Variants in LRRC49 observed in about 807,000 individuals in gnomAD.
The protein encoded by LRRC49 is leucine-rich repeat-containing protein 49.
LRRC49 carries 50 observed loss-of-function variants against 83.3 expected under a neutral mutation model. That is an observed-to-expected ratio of 0.60 (90% CI 0.48 to 0.76). LRRC49 has a LOEUF of 0.76. Among genes scored for constraint, LRRC49 ranks in the 30% least tolerant of loss-of-function variants. LRRC49 has a pLI of 0.00. For missense variants in LRRC49, 704 were observed against 809.1 expected (o/e 0.87, Z 1.58); for synonymous variants, 286 against 283.3 (o/e 1.01, Z -0.10).
intron 15 of LRRC49, among the ~76,000 whole-genome samples, chr15:71,044,405 G>A (rs2039787963): frequency 6.6e-6 from 1 of 152,170 alleles, no homozygotes; most frequent in Non-Finnish European, 1.5e-5. Flanking sequence ...CTTAAAATAT[G>A]CCTCTGTTAA....
At chr15:70,881,140 G>A (rs567013519) in intron 2 of LRRC49, among the ~76,000 whole-genome samples, 125 of 152,216 alleles carry the variant, frequency 8.2e-4, no homozygotes, top group Admixed American at 1.4e-3. Context: ...GAGGTGGGAG[G>A]ATCGTCTGAG....
chr15:71,052,797 A>T lies in LRRC49; in HGVS notation c.*3185A>T, dbSNP rs571267253. On this transcript the variant is annotated 3_prime_UTR_variant, in exon 16 of 16. Transcript: ENST00000260382. ...ACTAAGGGTATTTCAACCAATAAAT[A>T]GTAGACAGTACCCACATTCACTGTT... The T allele has an allele frequency of 4.5e-4, 69 of 152,342 alleles. No homozygotes were observed. The highest frequency in any genetic ancestry group is 1.6e-3 in the African/African-American group (68 of 41,576). The allele number at this position is 152,342 out of a possible 1,614,324, so 9.4% of individuals were successfully genotyped here.
Position 70,983,329 on chromosome 15 carries a change from A to G in LRRC49, c.1006-765A>G, listed in dbSNP as rs2037472756. Among the ~76,000 whole-genome samples, 5 of 152,276 alleles carry G rather than the reference A, an allele frequency of 3.3e-5. No individual in the cohort carries two copies. In the South Asian group the frequency reaches 8.3e-4, roughly 25 times the overall value. ...GTGGTTCTCAAAGTGAGGTTCATGA[A>G]CTAGCAATATTAGAATACTTAGGAG... On this transcript the variant is annotated intron_variant, in intron 10 of 15. Transcript: ENST00000260382.
At chr15:70,856,867 C>G (rs2141066378) in intron 1 of LRRC49, among the ~76,000 whole-genome samples, 1 of 152,308 alleles carries the variant, frequency 6.6e-6, no homozygotes, top group East Asian at 1.9e-4. Flanking sequence ...ATTTGTGTCA[C>G]TGGTGAAGAA....
At chr15:70,986,528 T>C (rs1383883840) in intron 11 of LRRC49, among the ~76,000 whole-genome samples, 1 of 152,190 alleles carries the variant, frequency 6.6e-6, no homozygotes, top group Non-Finnish European at 1.5e-5. Context: ...CTTAAGGAGA[T>C]TTTGGGCTGA....
rs529702402 is a variant in LRRC49, at chr15:70,921,722, A to C, written c.711+2529A>C. Among the ~76,000 whole-genome samples, 6 of 152,274 alleles carry C rather than the reference A, an allele frequency of 3.9e-5. No homozygotes were observed. The East Asian group carries it at 1.2e-3, about 29-fold the overall frequency. On this transcript the variant is annotated intron_variant, in intron 7 of 15. Transcript: ENST00000260382. ...TCAGCTTTTCAGCTGCTTGAACTTCATCAGAAGTGTTGGTCAGATGATGAT... is the reference window on the plus strand; with the variant it reads ...TCAGCTTTTCAGCTGCTTGAACTTCCTCAGAAGTGTTGGTCAGATGATGAT...
intron 11 of LRRC49, 53 bp downstream of exon 11, chr15:70,984,310 AGTGG>A: frequency 6.9e-7 from 1 of 1,443,078 alleles, no homozygotes; most frequent in Non-Finnish European, 9.4e-7. Context: ...TTGAATTTGG[AGTGG>A]GAATTAGAAA....
chr15:71,041,817 A>G (rs1443465556), intron 15 of LRRC49, among the ~76,000 whole-genome samples: 2 of 152,196 alleles, frequency 1.3e-5, no homozygotes, highest in Non-Finnish European at 2.9e-5. Flanking sequence ...AAAAAGAACA[A>G]TGAGAAGAAG....
chr15:70,870,589 C>A (rs2033005296), intron 1 of LRRC49, among the ~76,000 whole-genome samples: 1 of 152,160 alleles, frequency 6.6e-6, no homozygotes, highest in Admixed American at 6.5e-5. Flanking sequence ...CTCCTGGGTT[C>A]AAGCGATTCT....
chr15:70,963,464 C>T (rs2036680117), intron 8 of LRRC49, among the ~76,000 whole-genome samples: 1 of 151,940 alleles, frequency 6.6e-6, no homozygotes, highest in Non-Finnish European at 1.5e-5. Flanking sequence ...GGAGATATGA[C>T]AACTAAATGT....
At chr15:70,980,547 G>A (rs2037362651) in intron 10 of LRRC49, among the ~76,000 whole-genome samples, 1 of 148,886 alleles carries the variant, frequency 6.7e-6, no homozygotes, top group African/African-American at 2.5e-5. Context: ...CATCTTTACT[G>A]ATATATTTTA....
chr15:71,049,890 T>C lies in LRRC49; in HGVS notation c.*278T>C. On this transcript the variant is annotated 3_prime_UTR_variant, in exon 16 of 16. Transcript: ENST00000260382. Reference sequence around the variant, plus strand: ...TGGCACTGCATCCTTGGTTCTTGCTTTGATTGGTGCCCTGCTATAGCCCAA... The same window carrying C: ...TGGCACTGCATCCTTGGTTCTTGCTCTGATTGGTGCCCTGCTATAGCCCAA... 3.3e-6 allele frequency: 1 copy of C among 304,662 alleles called. No homozygotes were observed. Among genetic ancestry groups the C allele is most frequent in the Non-Finnish European group, 6.0e-6 (1 of 166,770 alleles). The allele number at this position is 304,662 out of a possible 1,614,324, so 18.9% of individuals were successfully genotyped here. A position where few individuals can be genotyped will look rare whatever the true frequency, so the allele number is the denominator to read the frequency against.
chr15:70,950,946 G>A (rs181621494), intron 8 of LRRC49, among the ~76,000 whole-genome samples: 9 of 152,252 alleles, frequency 5.9e-5, no homozygotes, highest in Admixed American at 1.3e-4. Flanking sequence ...TATGGTGAGA[G>A]GAAGGGGTCT....
At chr15:70,948,130 G>C (rs551535436) in intron 8 of LRRC49, among the ~76,000 whole-genome samples, 1 of 152,024 alleles carries the variant, frequency 6.6e-6, no homozygotes, top group East Asian at 1.9e-4. Context: ...GTGTGTGTTC[G>C]TGTGTGTTCT....
chr15:70,959,596 A>AGGAAGGAG (rs2036535449), intron 8 of LRRC49, among the ~76,000 whole-genome samples: 1 of 131,326 alleles, frequency 7.6e-6, no homozygotes, highest in Admixed American at 7.7e-5. Context: ...GAAGGAAGGA[A>AGGAAGGAG]GGAAGGGAGG....
At chr15:70,875,470 A>G (rs1178387203) in intron 2 of LRRC49, among the ~76,000 whole-genome samples, 1 of 149,592 alleles carries the variant, frequency 6.7e-6, no homozygotes, top group Non-Finnish European at 1.5e-5. Flanking sequence ...TCGAGGAACT[A>G]AAAACAGCCG....
chr15:70,892,843 G>C lies in LRRC49; in HGVS notation c.-52G>C. On this transcript the variant is annotated 5_prime_UTR_variant, in exon 1 of 16. Coordinates refer to ENST00000260382, the MANE Select transcript of LRRC49 (RefSeq NM_017691.5). ...TTTCGGGTCTCTTTGAATCTCCGCT[G>C]TAGCGTCACCTGGAAGGCAGATCTA... is the stretch of plus-strand genomic sequence containing the variant. 1 of 1,614,176 alleles carries C rather than the reference G, an allele frequency of 6.2e-7. No homozygotes were observed. The highest frequency in any genetic ancestry group is 8.5e-7 in the Non-Finnish European group (1 of 1,180,012).
At chr15:70,915,073 G>T (rs2034710833) in intron 6 of LRRC49, among the ~76,000 whole-genome samples, 1 of 152,120 alleles carries the variant, frequency 6.6e-6, no homozygotes, top group Admixed American at 6.5e-5. Flanking sequence ...CAAGACCTAT[G>T]CTGTCACTTT....
At chr15:70,882,595 C>CTT (rs766635598) in intron 2 of LRRC49, 3 of 1,614,048 alleles carry the variant, frequency 1.9e-6, no homozygotes, top group Non-Finnish European at 2.5e-6. Context: ...ATTCCTCTGT[C>CTT]TGAGTAGTTG....
Sources: allele counts gnomAD v4.1 joint callset (sites outside exome capture counted in the v4.1 genomes callset), GRCh38; gene constraint gnomAD v4.1.1; transcripts MANE v1.5; gene names NCBI Gene and HGNC (gene_info 2026-07-23, HGNC 2026-07-21).